N4BP2: variants seen among roughly 807,000 people sequenced by gnomAD.
N4BP2 encodes the protein NEDD4-binding protein 2.
A neutral mutation model predicts 152.8 loss-of-function variants in N4BP2; 91 were observed. That is an observed-to-expected ratio of 0.60 (90% CI 0.50 to 0.71). The LOEUF is 0.71. Among genes scored for constraint, N4BP2 ranks in the 30% least tolerant of loss-of-function variants. The probability of loss-of-function intolerance (pLI) is 0.00; values close to 1 mark genes in which losing one functional copy is unlikely to be tolerated. For synonymous variants in N4BP2, 646 were observed against 705.3 expected, an observed-to-expected ratio of 0.92 and a Z score of 1.33; for missense variants, 1,923 against 2,059.1, an observed-to-expected ratio of 0.93 and a Z score of 1.28.
In N4BP2 at chr4:40,092,521, T is replaced by C. The variant is rs557183288; in HGVS notation, c.-114-4706T>C. Among the ~76,000 whole-genome samples, 7 of 152,260 alleles carry C rather than the reference T, an allele frequency of 4.6e-5. No individual in the cohort carries two copies. In the South Asian group the frequency reaches 1.2e-3, roughly 27 times the overall value. On this transcript the variant is annotated intron_variant, in intron 2 of 17. Coordinates refer to ENST00000261435, the MANE Select transcript of N4BP2 (RefSeq NM_018177.6). ...GATGTTGGTAATTTCTGTCTTCTTT[T>C]TTCTTTGTCAGTCTTGCTAGTCTTT... is the stretch of plus-strand genomic sequence containing the variant.
Position 40,150,044 on chromosome 4 carries a change from G to A in N4BP2, c.5144-2736G>A, listed in dbSNP as rs575157766. Reference sequence around the variant, plus strand: ...ATGCTGCCACCTGTGGTAGTCTGTAGTTACTGTCAGTCACCACCAGGTGGC... The same window carrying A: ...ATGCTGCCACCTGTGGTAGTCTGTAATTACTGTCAGTCACCACCAGGTGGC... On this transcript the variant is annotated intron_variant, in intron 16 of 17. Coordinates refer to ENST00000261435, the MANE Select transcript of N4BP2 (RefSeq NM_018177.6). Among the ~76,000 whole-genome samples the A allele has an allele frequency of 3.5e-4, 53 of 152,310 alleles. No individual in the cohort carries two copies. The South Asian group carries it at 9.1e-3, about 26-fold the overall frequency.
At chr4:40,066,308 T>C (rs558073077) in intron 1 of N4BP2, among the ~76,000 whole-genome samples, 22 of 135,484 alleles carry the variant, frequency 1.6e-4, no homozygotes, top group African/African-American at 5.7e-4. Context: ...GGATTTCTAT[T>C]TGTGATTTTC....
intron 4 of N4BP2, 65 bp from the exon 5 acceptor site, chr4:40,106,835 G>C: frequency 1.4e-6 from 2 of 1,475,912 alleles, no homozygotes; most frequent in East Asian, 2.3e-5. Flanking sequence ...TTATGACTTT[G>C]GAAAAATTAG....
chr4:40,143,861 G>A (rs890003852), intron 15 of N4BP2, among the ~76,000 whole-genome samples: 1 of 152,102 alleles, frequency 6.6e-6, no homozygotes, highest in African/African-American at 2.4e-5. Context: ...CAGACCAGTA[G>A]GATATATGAA....
the N4BP2 span, among the ~76,000 whole-genome samples, chr4:40,171,132 G>C: frequency 1.3e-5 from 2 of 152,172 alleles, no homozygotes; most frequent in Non-Finnish European, 2.9e-5. Context: ...AGCCTATCTT[G>C]CTAGGTTGCA....
At chr4:40,104,881 T>G (rs181191956) in intron 4 of N4BP2, among the ~76,000 whole-genome samples, 96 of 151,448 alleles carry the variant, frequency 6.3e-4, no homozygotes, top group African/African-American at 2.3e-3. Context: ...CTCGGCTCAC[T>G]GCAAGCTCCG....
chr4:40,186,453 A>G, the N4BP2 span, among the ~76,000 whole-genome samples: 1 of 152,190 alleles, frequency 6.6e-6, no homozygotes, highest in South Asian at 2.1e-4. Flanking sequence ...TTTGGGAAAT[A>G]TGTGGCTGGG....
intron 2 of N4BP2, among the ~76,000 whole-genome samples, chr4:40,076,048 ACTC>A (rs1398589830): frequency 4.7e-5 from 7 of 150,346 alleles, no homozygotes; most frequent in East Asian, 4.0e-4. Flanking sequence ...CTTGTATTGA[ACTC>A]CTGCGCTTAA....
chr4:40,177,163 G>A, the N4BP2 span, among the ~76,000 whole-genome samples: 2 of 152,030 alleles, frequency 1.3e-5, no homozygotes, highest in Admixed American at 1.3e-4. Flanking sequence ...CCTAGCTAAA[G>A]CTCAACTCTG....
At chr4:40,098,115 G>C (rs1051116259) in intron 3 of N4BP2, among the ~76,000 whole-genome samples, 9 of 152,142 alleles carry the variant, frequency 5.9e-5, no homozygotes, top group African/African-American at 1.9e-4. Context: ...TCTTCAGCCC[G>C]TAACATAGCA....
the N4BP2 span, among the ~76,000 whole-genome samples, chr4:40,189,850 C>T: frequency 6.6e-6 from 1 of 151,962 alleles, no homozygotes; most frequent in South Asian, 2.1e-4. This position sits in a 1 kb window ranked among gnomAD's most constrained non-coding sequence, Gnocchi z 4.3. Context: ...GATTGTGCTG[C>T]TGCACTCCAG....
chr4:40,104,061 T>C (rs1715991702), intron 4 of N4BP2, among the ~76,000 whole-genome samples: 1 of 152,008 alleles, frequency 6.6e-6, no homozygotes, highest in Admixed American at 6.6e-5. Context: ...TTCATGCCAT[T>C]CCTGCCTCAG....
At chr4:40,130,640 ACT>A in intron 12 of N4BP2, among the ~76,000 whole-genome samples, 1 of 151,742 alleles carries the variant, frequency 6.6e-6, no homozygotes, top group Non-Finnish European at 1.5e-5. Flanking sequence ...CTCAGCTGGG[ACT>A]CTTGCCATCA....
Position 40,158,060 on chromosome 4 carries a change from G to T in N4BP2, c.*3823G>T, listed in dbSNP as rs1721739244. ...TTAAAATACAATATTGCAGCTATCA[G>T]TTGGAGAATATATTATAAAATTTTC... is the stretch of plus-strand genomic sequence containing the variant. On this transcript the variant is annotated 3_prime_UTR_variant, in exon 18 of 18. Coordinates refer to ENST00000261435, the MANE Select transcript of N4BP2 (RefSeq NM_018177.6). 6.6e-6 allele frequency: 1 copy of T among 152,102 alleles called. No homozygotes were observed. Among genetic ancestry groups the T allele is most frequent in the Admixed American group, 6.5e-5 (1 of 15,270 alleles). The allele number at this position is 152,102 out of a possible 1,614,324, so 9.4% of individuals were successfully genotyped here. A position where few individuals can be genotyped will look rare whatever the true frequency, so the allele number is the denominator to read the frequency against.
At chr4:40,062,165 G>A (rs551212067) in intron 1 of N4BP2, among the ~76,000 whole-genome samples, 17 of 147,000 alleles carry the variant, frequency 1.2e-4, no homozygotes, top group Middle Eastern at 3.6e-3. Context: ...TGCAATCTCC[G>A]CCTCCTGGGT....
In N4BP2 at chr4:40,144,747, A is replaced by G. The variant is rs551145145; in HGVS notation, c.5090A>G (p.His1697Arg). ...AATGTTTTAGACCTCCATGGGCTGC[A>G]TGTGGATGAAGCTCTAGAACATTTG... ...PQNVLDLHGL[H>R]VDEALEHLMR... Residue 1697 changes from histidine to arginine, a missense_variant, in exon 16 of 18, where the codon CAT (histidine) becomes CGT (arginine). Coordinates refer to ENST00000261435, the MANE Select transcript of N4BP2 (RefSeq NM_018177.6). 105 of 1,614,030 alleles carry G rather than the reference A, an allele frequency of 6.5e-5. 1 individual carries two copies. The South Asian group carries it at 1.1e-3, about 18-fold the overall frequency.
In N4BP2 at chr4:40,121,639, G is replaced by T. The variant is rs1717925834; in HGVS notation, c.3528G>T (p.Val1176=). The change falls in exon 9 of 18, where the codon GTG becomes GTT. Residue 1176 remains valine, a synonymous_variant. Coordinates refer to ENST00000261435, the MANE Select transcript of N4BP2 (RefSeq NM_018177.6). ...RGTLENSNSP[V]PEFSHGIGIS... Reference sequence around the variant, plus strand: ...CTTTAGAGAATTCTAATTCTCCTGTGCCAGAGTTTAGCCATGGGATTGGTA... The same window carrying T: ...CTTTAGAGAATTCTAATTCTCCTGTTCCAGAGTTTAGCCATGGGATTGGTA... 6.2e-7 allele frequency: 1 copy of T among 1,614,142 alleles called. No homozygotes were observed. Among genetic ancestry groups the T allele is most frequent in the Non-Finnish European group, 8.5e-7 (1 of 1,180,024 alleles).
chr4:40,147,616 C>T (rs187319522), intron 16 of N4BP2, among the ~76,000 whole-genome samples: 9,608 of 148,536 alleles, frequency 0.065, 381 homozygotes, highest in Non-Finnish European at 0.084. Context: ...CCGGACGGGG[C>T]GGCTGGCCGG....
At chr4:40,181,019 A>G in the N4BP2 span, among the ~76,000 whole-genome samples, 6 of 152,202 alleles carry the variant, frequency 3.9e-5, no homozygotes, top group Non-Finnish European at 8.8e-5. Context: ...GCATGGTGGC[A>G]TGTGCCTGTA....
Sources: gnomAD v4.1 joint callset for allele counts (sites outside exome capture counted in the v4.1 genomes callset) on GRCh38, gnomAD v4.1.1 for gene constraint, Gnocchi (gnomAD v3.1) non-coding constraint, MANE v1.5 for transcripts, NCBI Gene and HGNC (gene_info 2026-07-23, HGNC 2026-07-21) for gene names.